PGM3: variants seen among roughly 807,000 people sequenced by gnomAD.
PGM3 encodes the protein phosphoglucomutase 3.
Under a neutral mutation model 66.2 loss-of-function variants are expected in PGM3, and 40 were observed. The observed-to-expected ratio is 0.60, with a 90% CI of 0.47 to 0.79. The LOEUF (loss-of-function observed/expected upper bound fraction) is 0.79. Ranked by LOEUF, PGM3 falls within the 30% of genes least tolerant of loss-of-function variation. The pLI is 0.00. For missense variants in PGM3, 537 were observed against 643.4 expected (o/e 0.83, Z 1.79); for synonymous variants, 191 against 224.2 (o/e 0.85, Z 1.32).
At chr6:83,152,046 T>G in the PGM3 span, 1 of 1,613,552 alleles carries the variant, frequency 6.2e-7, no homozygotes, top group Non-Finnish European at 8.5e-7. Context: ...GTCAAACATT[T>G]AGGTTTATTA....
rs1283582779 is a variant in PGM3, at chr6:83,166,822, T to C, written c.*2412A>G. On this transcript the variant is annotated 3_prime_UTR_variant, in exon 13 of 13. Transcript: ENST00000513973. The stretch of plus-strand genomic sequence containing the variant: ...TAAATTATTAGGTAAACAATGAAAG[T>C]TTCTGAGCAACATCTGATCTTAGAA... 3.0e-6 allele frequency: 3 copies of C among 1,013,346 alleles called. No individual in the cohort carries two copies. The highest frequency in any genetic ancestry group is 3.5e-6 in the Non-Finnish European group (3 of 848,964). 62.8% of individuals were successfully genotyped at this position (1,013,346 alleles called of 1,614,324 possible).
chr6:83,178,643 A>ATGTTTCTGTGAGAAAGAT, intron 8 of PGM3, 30 bp downstream of exon 8: 1 of 1,241,540 alleles, frequency 8.1e-7, no homozygotes, highest in Non-Finnish European at 1.2e-6. Flanking sequence ...TTAATTAAGA[A>ATGTTTCTGTGAGAAAGAT]ACTACCAGAA....
At position 83,170,601 on chromosome 6, in the gene PGM3, C is replaced by T. The variant is rs947857063; in HGVS notation, c.1366-123G>A. On this transcript the variant is annotated intron_variant, in intron 11 of 12. Transcript: ENST00000513973. ...TAAAATTACATTAAAACTTCTTTCTCCAAGGTCAGGGTAATTAATTTCAAC... is the reference window on the plus strand; with the variant it reads ...TAAAATTACATTAAAACTTCTTTCTTCAAGGTCAGGGTAATTAATTTCAAC... 5.2e-6 allele frequency: 4 copies of T among 773,476 alleles called. No homozygotes were observed. In the African/African-American group the frequency reaches 5.2e-5, roughly 10 times the overall value. The allele number at this position is 773,476 out of a possible 1,614,324, so 47.9% of individuals were successfully genotyped here.
chr6:83,163,359 A>G (rs1327784101), downstream of PGM3, among the ~76,000 whole-genome samples: 5 of 152,172 alleles, frequency 3.3e-5, no homozygotes, highest in African/African-American at 1.2e-4. Flanking sequence ...AATACAGTAC[A>G]AAAGGGATTT....
In PGM3 at chr6:83,179,804, CCAT is replaced by C. The variant is rs757840904; in HGVS notation, c.945+3_945+5del. 1 of 1,606,252 alleles carries C rather than the reference CCAT, an allele frequency of 6.2e-7. No homozygotes were observed. On this transcript the variant is annotated splice_donor_5th_base_variant and intron_variant, in intron 7 of 12. Coordinates refer to ENST00000513973, the MANE Select transcript of PGM3 (RefSeq NM_015599.3). Reference sequence around the variant, plus strand: ...TTTTAGAGGGTAGCCAATCCCCCCACCATACCTCCACCAGGAGCTCTTTAAGGA... The same window carrying C: ...TTTTAGAGGGTAGCCAATCCCCCCACACCTCCACCAGGAGCTCTTTAAGGA...
chr6:83,180,429 A>T (rs997216637), intron 6 of PGM3, among the ~76,000 whole-genome samples: 1 of 152,222 alleles, frequency 6.6e-6, no homozygotes, highest in African/African-American at 2.4e-5. Flanking sequence ...AAAGAATTAT[A>T]ACTTTGAGAG....
chr6:83,182,373 A>G (rs547508618), intron 5 of PGM3, among the ~76,000 whole-genome samples: 1 of 152,298 alleles, frequency 6.6e-6, no homozygotes, highest in South Asian at 2.1e-4. Context: ...CCAAATTATA[A>G]GTTCTATGAG....
chr6:83,160,989 A>C (rs188407142), downstream of PGM3, among the ~76,000 whole-genome samples: 28 of 152,116 alleles, frequency 1.8e-4, no homozygotes, highest in Admixed American at 6.5e-4. Context: ...ATATATATAT[A>C]TCTACTTTTT....
intron 6 of PGM3, among the ~76,000 whole-genome samples, chr6:83,180,983 C>G (rs1205988961): frequency 6.6e-6 from 1 of 152,108 alleles, no homozygotes; most frequent in African/African-American, 2.4e-5. Context: ...CTAGAGATTC[C>G]AATATATAAG....
downstream of PGM3, among the ~76,000 whole-genome samples, chr6:83,157,561 T>G (rs2128384019): frequency 6.6e-6 from 1 of 152,328 alleles, no homozygotes. Context: ...CTTTCTTGGA[T>G]CTGGTTTAGT....
downstream of PGM3, chr6:83,159,598 T>C (rs954086133): frequency 1.3e-5 from 8 of 639,932 alleles, no homozygotes; most frequent in Non-Finnish European, 1.9e-5. Context: ...GTCTATGTAC[T>C]GTTTTTGCAT....
downstream of PGM3, chr6:83,157,144 ATTAT>A: frequency 1.2e-6 from 2 of 1,600,130 alleles, no homozygotes; most frequent in Non-Finnish European, 1.7e-6. Flanking sequence ...TGTGATAAAG[ATTAT>A]TTAGTTATTG....
At position 83,168,265 on chromosome 6, in the gene PGM3, C is replaced by T; in HGVS notation, c.*969G>A. 1 of 1,456,518 alleles carries T rather than the reference C, an allele frequency of 6.9e-7. No individual in the cohort carries two copies. Among genetic ancestry groups the T allele is most frequent in the Non-Finnish European group, 9.0e-7 (1 of 1,111,612 alleles). 90.2% of individuals were successfully genotyped at this position (1,456,518 alleles called of 1,614,324 possible). A position where few individuals can be genotyped will look rare whatever the true frequency, so the allele number is the denominator to read the frequency against. On this transcript the variant is annotated 3_prime_UTR_variant, in exon 13 of 13. Transcript: ENST00000513973. ...ATAGTTTTTCCTTTTTTGTATGTAA[C>T]AGAACACATTTCAGATTGTATTTAA...
chr6:83,162,933 T>C (rs775233882), downstream of PGM3: 10 of 1,606,576 alleles, frequency 6.2e-6, no homozygotes, highest in East Asian at 2.0e-4. Context: ...TCGCATTCTT[T>C]TGTGATTGTT....
chr6:83,149,886 G>T, the PGM3 span, among the ~76,000 whole-genome samples: 1 of 152,184 alleles, frequency 6.6e-6, no homozygotes, highest in Non-Finnish European at 1.5e-5. Flanking sequence ...AACACCTACA[G>T]AGAGGTTAAG....
chr6:83,148,859 C>G, the PGM3 span: 13 of 1,509,738 alleles, frequency 8.6e-6, no homozygotes, highest in African/African-American at 1.5e-5. Flanking sequence ...GTTTCTTATA[C>G]TTGGGTAAGC....
rs770298942 is a variant in PGM3, at chr6:83,188,623, CT to C, written c.379del (p.Arg127GlufsTer14). ...TAACTCTTATCATCACCTGGTATCTCTACCAATAACTACAAAGGCATCTTGT... is the reference window on the plus strand; with the variant it reads ...TAACTCTTATCATCACCTGGTATCTCACCAATAACTACAAAGGCATCTTGT... ...LQQDAFVVIG[R>X]DTRPSSEKLS... On this transcript the variant is annotated frameshift_variant, in exon 3 of 13. Coordinates refer to ENST00000513973, the MANE Select transcript of PGM3 (RefSeq NM_015599.3). LOFTEE classifies it high-confidence loss of function. 6.8e-6 allele frequency: 11 copies of C among 1,610,966 alleles called. No homozygotes were observed. The highest frequency in any genetic ancestry group is 9.3e-6 in the Non-Finnish European group (11 of 1,177,582).
the PGM3 span, chr6:83,153,797 A>C: frequency 7.6e-7 from 1 of 1,310,160 alleles, no homozygotes; most frequent in Non-Finnish European, 1.0e-6. Context: ...TCATATCTTC[A>C]TGTCACTGTC....
At chr6:83,187,322 C>T in intron 3 of PGM3, among the ~76,000 whole-genome samples, 1 of 152,170 alleles carries the variant, frequency 6.6e-6, no homozygotes, top group East Asian at 1.9e-4. Context: ...ATAAAGGACA[C>T]TCTAACCACA....
Sources: allele counts gnomAD v4.1 joint callset (sites outside exome capture counted in the v4.1 genomes callset), GRCh38; gene constraint gnomAD v4.1.1; transcripts MANE v1.5; gene names NCBI Gene and HGNC (gene_info 2026-07-23, HGNC 2026-07-21).